The following ABRAXAS1 variants were observed in gnomAD, a reference collection of about 807,000 sequenced individuals.
ABRAXAS1 encodes BRCA1-A complex subunit Abraxas 1.
ABRAXAS1 carries 26 observed loss-of-function variants against 38.4 expected under a neutral mutation model. The observed-to-expected ratio is 0.68, with a 90% CI of 0.50 to 0.94. The LOEUF (loss-of-function observed/expected upper bound fraction) is 0.94. Among genes scored for constraint, ABRAXAS1 ranks in the 40% least tolerant of loss-of-function variants. The pLI is 0.00. For synonymous variants in ABRAXAS1, 144 were observed against 165.5 expected (o/e 0.87, Z 1.00); for missense variants, 438 against 481.9 (o/e 0.91, Z 0.85).
At position 83,485,079 on chromosome 4, in the gene ABRAXAS1, G is replaced by C. The variant is rs1379125008; in HGVS notation, c.-7C>G. 6.3e-7 allele frequency: 1 copy of C among 1,584,010 alleles called. No homozygotes were observed. The highest frequency in any genetic ancestry group is 8.6e-7 in the Non-Finnish European group (1 of 1,165,292). ...ACGTACTCTCCCCCTCCATGCTACCGCCGCCTCAGGCTACACAAGAGGACG... is the reference window on the plus strand; with the variant it reads ...ACGTACTCTCCCCCTCCATGCTACCCCCGCCTCAGGCTACACAAGAGGACG... On this transcript the variant is annotated 5_prime_UTR_variant, in exon 1 of 9. Coordinates refer to ENST00000321945, the MANE Select transcript of ABRAXAS1 (RefSeq NM_139076.3).
At chr4:83,464,552 G>A (rs976737436) in intron 7 of ABRAXAS1, among the ~76,000 whole-genome samples, 1 of 152,188 alleles carries the variant, frequency 6.6e-6, no homozygotes, top group Non-Finnish European at 1.5e-5. Flanking sequence ...TAGGGTAATA[G>A]TTGTTTTGCC....
intron 6 of ABRAXAS1, among the ~76,000 whole-genome samples, chr4:83,468,419 C>T (rs1292409583): frequency 6.6e-6 from 1 of 151,900 alleles, no homozygotes; most frequent in African/African-American, 2.4e-5. Context: ...AAAATCTAAC[C>T]CCTTATTCTC....
chr4:83,480,365 C>A (rs1722952611), intron 2 of ABRAXAS1: 3 of 426,836 alleles, frequency 7.0e-6, no homozygotes, highest in Non-Finnish European at 4.6e-6. Flanking sequence ...GAATGAGACT[C>A]CATCTCAAAA....
At position 83,467,439 on chromosome 4, in the gene ABRAXAS1, G is replaced by T; in HGVS notation, c.681+15C>A. 2 of 1,348,726 alleles carry T rather than the reference G, an allele frequency of 1.5e-6. No individual in the cohort carries two copies. Among genetic ancestry groups the T allele is most frequent in the Non-Finnish European group, 2.1e-6 (2 of 943,158 alleles). 83.5% of individuals were successfully genotyped at this position (1,348,726 alleles called of 1,614,324 possible). A position where few individuals can be genotyped will look rare whatever the true frequency, so the allele number is the denominator to read the frequency against. ...CTATCTAGAAGTGGTTGACGTGTTT[G>T]ATATGTTAACTTACCTTTAATTCCT... On this transcript the variant is annotated intron_variant, in intron 7 of 8. Transcript: ENST00000321945.
At chr4:83,470,090 G>T in intron 5 of ABRAXAS1, 113 bp downstream of exon 5, 2 of 718,476 alleles carry the variant, frequency 2.8e-6, no homozygotes, top group South Asian at 2.7e-5. Context: ...GAAGGTTATC[G>T]TGACAATCTG....
rs1320782237 is a variant in ABRAXAS1 at position 83,462,696 on chromosome 4, C to T, written c.1003G>A (p.Ala335Thr). Residue 335 changes from alanine to threonine, a missense_variant, in exon 9 of 9, where the codon GCT (alanine) becomes ACT (threonine). Transcript: ENST00000321945. ...ATTTGTGGTGTACTAGCTGGACTAG[C>T]TTCAGGAATGTCAGTGTGTTCTACC... ...LMVEHTDIPE[A>T]SPASTPQIIK... The T allele has an allele frequency of 8.1e-6, 13 of 1,613,670 alleles. No individual in the cohort carries two copies. Among genetic ancestry groups the T allele is most frequent in the Non-Finnish European group, 1.1e-5 (13 of 1,179,996 alleles).
At chr4:83,474,679 A>C (rs1027682455) in intron 3 of ABRAXAS1, among the ~76,000 whole-genome samples, 8 of 149,178 alleles carry the variant, frequency 5.4e-5, no homozygotes, top group Admixed American at 2.0e-4. Flanking sequence ...GCGCCACTGC[A>C]CTCCAGCCTG....
intron 7 of ABRAXAS1, among the ~76,000 whole-genome samples, chr4:83,464,534 T>C (rs908794793): frequency 1.3e-5 from 2 of 152,210 alleles, no homozygotes; most frequent in Non-Finnish European, 2.9e-5. Context: ...GCAACTAATT[T>C]CCAACTGTAG....
intron 8 of ABRAXAS1, among the ~76,000 whole-genome samples, 158 bp from the exon 9 acceptor site, chr4:83,463,060 A>G (rs1170584457): frequency 2.0e-5 from 3 of 152,254 alleles, no homozygotes; most frequent in African/African-American, 4.8e-5. Flanking sequence ...TTTATATGCC[A>G]CAGTATTCTA....
chr4:83,467,635 T>C, intron 6 of ABRAXAS1, 97 bp from the exon 7 acceptor site: 1 of 678,864 alleles, frequency 1.5e-6, no homozygotes, highest in South Asian at 1.8e-5. Context: ...AGAAGAGTCT[T>C]TTTACTGGTT....
chr4:83,480,978 A>G (rs1236171663), intron 2 of ABRAXAS1, among the ~76,000 whole-genome samples: 4 of 152,066 alleles, frequency 2.6e-5, no homozygotes, highest in Non-Finnish European at 5.9e-5. Context: ...TAAAAATACA[A>G]AAAGTTAGCC....
Position 83,463,691 on chromosome 4 carries a change from T to C in ABRAXAS1, c.682-83A>G, listed in dbSNP as rs201105737. The C allele has an allele frequency of 1.2e-4, 83 of 692,008 alleles. No homozygotes were observed. In the East Asian group the frequency reaches 1.4e-3, roughly 11 times the overall value. The allele number at this position is 692,008 out of a possible 1,614,324, so 42.9% of individuals were successfully genotyped here. On this transcript the variant is annotated intron_variant, in intron 7 of 8. Transcript: ENST00000321945. Reference sequence around the variant, plus strand: ...GTCTAGATTCACAAATAATATAAAATCATTGGTGGTATATAATACCCAAAA... The same window carrying C: ...GTCTAGATTCACAAATAATATAAAACCATTGGTGGTATATAATACCCAAAA...
At chr4:83,473,154 C>T (rs7686655) in intron 3 of ABRAXAS1, among the ~76,000 whole-genome samples, 13,944 of 151,930 alleles carry the variant, frequency 0.092, 2,085 homozygotes, top group African/African-American at 0.32. Flanking sequence ...GTGGTGTGTG[C>T]CTGTAGTCCC....
intron 1 of ABRAXAS1, 42 bp downstream of exon 1, chr4:83,484,944 C>T (rs911918522): frequency 6.6e-7 from 1 of 1,512,686 alleles, no homozygotes; most frequent in Non-Finnish European, 8.9e-7. Context: ...GCGCAGGGCT[C>T]TTCCCAGGCG....
chr4:83,470,490 T>C (rs1722540135), intron 4 of ABRAXAS1, 94 bp from the exon 5 acceptor site: 2 of 878,020 alleles, frequency 2.3e-6, no homozygotes, highest in Non-Finnish European at 3.3e-6. Flanking sequence ...TTAAAATGGC[T>C]TTCTTAATAT....
In ABRAXAS1 at chr4:83,469,093, A is replaced by T; in HGVS notation, c.535T>A (p.Tyr179Asn). ...ANLGMSEQLG[Y>N]KTVSGSCMST... The stretch of plus-strand genomic sequence containing the variant: ...ATACAGGAACCTGATACAGTTTTAT[A>T]ACCCAGTTGTTCAGACATGCCCAGA... The change falls in exon 6 of 9, where the codon TAT becomes AAT. Residue 179 changes from tyrosine (Y) to asparagine (N), a missense_variant. Tyr to Asn is a moderately radical substitution (Grantham distance 143, BLOSUM62 -2). This residue lies in a region of ABRAXAS1 where 194 missense variants were observed against 269.0 expected (regional missense o/e 0.72). Coordinates refer to ENST00000321945, the MANE Select transcript of ABRAXAS1 (RefSeq NM_139076.3). 3.1e-6 allele frequency: 5 copies of T among 1,614,000 alleles called. No homozygotes were observed. Among genetic ancestry groups the T allele is most frequent in the Non-Finnish European group, 4.2e-6 (5 of 1,179,954 alleles).
Position 83,484,979 on chromosome 4 carries a change from G to T in ABRAXAS1, c.87+7C>A. On this transcript the variant is annotated splice_region_variant and intron_variant, in intron 1 of 8. Coordinates refer to ENST00000321945, the MANE Select transcript of ABRAXAS1 (RefSeq NM_139076.3). ...GACGCCGGACCCCGCCCCGTCCCTC[G>T]GCTCACCGTGTCCGAGTCCGTGTTG... 1 of 1,572,938 alleles carries T rather than the reference G, an allele frequency of 6.4e-7. No homozygotes were observed.
chr4:83,476,666 A>T lies in ABRAXAS1; in HGVS notation c.192T>A (p.Tyr64Ter). The T allele has an allele frequency of 6.4e-7, 1 of 1,564,410 alleles. No homozygotes were observed. The highest frequency in any genetic ancestry group is 8.8e-7 in the Non-Finnish European group (1 of 1,136,138). ...EVVYTIDIQK[Y>*]IPCYQLFSFY... is the part of the protein sequence containing the mutation. ...ACCTAAAAAGCTGATAGCATGGAAT[A>T]TATTTCTGAATGTCTGGAAGAAAAG... is the stretch of plus-strand genomic sequence containing the variant. The change falls in exon 3 of 9, where the codon TAT becomes TAA. Residue 64 changes from tyrosine (Y) to a stop codon, truncating the protein, a stop_gained. Coordinates refer to ENST00000321945, the MANE Select transcript of ABRAXAS1 (RefSeq NM_139076.3). LOFTEE classifies it high-confidence loss of function.
intron 5 of ABRAXAS1, 39 bp downstream of exon 5, chr4:83,470,164 C>T: frequency 6.7e-7 from 1 of 1,496,544 alleles, no homozygotes; most frequent in Non-Finnish European, 9.1e-7. Flanking sequence ...ATATATTTTT[C>T]TATTAGTTTA....
Sources: allele counts gnomAD v4.1 joint callset (sites outside exome capture counted in the v4.1 genomes callset), GRCh38; gene constraint gnomAD v4.1.1; regional missense constraint gnomAD v4.1.1; transcripts MANE v1.5; gene names NCBI Gene and HGNC (gene_info 2026-07-23, HGNC 2026-07-21).